DCC: variants seen among roughly 807,000 people sequenced by gnomAD.
DCC encodes DCC netrin 1 receptor.
Under a neutral mutation model 172.5 loss-of-function variants are expected in DCC, and 58 were observed. That is an observed-to-expected ratio of 0.34 (90% CI 0.27 to 0.42). DCC has a LOEUF of 0.42. DCC is among the 10% of genes least tolerant of loss of function. The pLI, the probability that DCC is intolerant of heterozygous loss-of-function variation, is 1.00. For missense variants in DCC, 1,740 were observed against 1,791.0 expected (o/e 0.97, Z 0.51); for synonymous variants, 709 against 644.5 (o/e 1.10, Z -1.52).
intron 1 of DCC, among the ~76,000 whole-genome samples, chr18:52,430,974 A>T (rs911580219): frequency 5.3e-5 from 8 of 152,160 alleles, no homozygotes; most frequent in African/African-American, 1.4e-4. Flanking sequence ...GCTTCTCAGA[A>T]TGAGTGGTTT....
intron 17 of DCC, among the ~76,000 whole-genome samples, chr18:53,396,937 G>GA (rs1450261035): frequency 6.6e-6 from 1 of 151,878 alleles, no homozygotes; most frequent in Non-Finnish European, 1.5e-5. Flanking sequence ...ATTTAACTTT[G>GA]AAAAAAGATA....
chr18:52,972,951 T>G (rs2041053688), intron 5 of DCC, among the ~76,000 whole-genome samples: 1 of 152,206 alleles, frequency 6.6e-6, no homozygotes, highest in South Asian at 2.1e-4. Flanking sequence ...GCCACTGCAT[T>G]CCAAACAAAA....
chr18:52,756,036 G>T (rs937225092), intron 2 of DCC, among the ~76,000 whole-genome samples: 3 of 152,182 alleles, frequency 2.0e-5, no homozygotes, highest in Admixed American at 1.3e-4. Flanking sequence ...CAAAGTAACA[G>T]GCTACTGACT....
chr18:52,945,256 T>C (rs2040525761), intron 5 of DCC, among the ~76,000 whole-genome samples: 1 of 152,222 alleles, frequency 6.6e-6, no homozygotes, highest in Non-Finnish European at 1.5e-5. Flanking sequence ...AAGATTTATA[T>C]GAACAATGCT....
intron 1 of DCC, among the ~76,000 whole-genome samples, chr18:52,427,743 C>G (rs776336939): frequency 2.0e-5 from 3 of 152,036 alleles, no homozygotes; most frequent in Non-Finnish European, 2.9e-5. Flanking sequence ...TTCTTTTCCT[C>G]TTTTCAAAGT....
intron 25 of DCC, among the ~76,000 whole-genome samples, chr18:53,484,295 C>A (rs925585727): frequency 6.6e-6 from 1 of 150,564 alleles, no homozygotes; most frequent in African/African-American, 2.4e-5. Flanking sequence ...AAAGCTGTAC[C>A]AAAATTTATC....
Position 52,707,756 on chromosome 18 carries a change from G to A in DCC, c.92-44298G>A, listed in dbSNP as rs142216010. ...CATTATACTAAGGGAGATAAGCCAGGGACAACAAGACAAGTACTACATGAT... is the reference window on the plus strand; with the variant it reads ...CATTATACTAAGGGAGATAAGCCAGAGACAACAAGACAAGTACTACATGAT... On this transcript the variant is annotated intron_variant, in intron 1 of 28. Coordinates refer to ENST00000442544, the MANE Select transcript of DCC (RefSeq NM_005215.4). Among the ~76,000 whole-genome samples, 37 of 152,198 alleles carry A rather than the reference G, an allele frequency of 2.4e-4. 1 individual carries two copies. In the East Asian group the frequency reaches 6.6e-3, roughly 27 times the overall value.
intron 5 of DCC, among the ~76,000 whole-genome samples, chr18:53,027,812 G>A (rs555460999): frequency 1.4e-4 from 21 of 151,690 alleles, no homozygotes; most frequent in African/African-American, 4.4e-4. Context: ...TTTGACGCAC[G>A]TCAAGAGCAG....
At chr18:52,670,750 G>T (rs2035537068) in intron 1 of DCC, among the ~76,000 whole-genome samples, 2 of 151,960 alleles carry the variant, frequency 1.3e-5, no homozygotes, top group Admixed American at 1.3e-4. Context: ...TGAGGCAGGA[G>T]AATCATTTGA....
chr18:53,502,406 T>C (rs2046112721), intron 27 of DCC, among the ~76,000 whole-genome samples: 1 of 152,210 alleles, frequency 6.6e-6, no homozygotes, highest in Admixed American at 6.5e-5. Context: ...TGACACATGG[T>C]AAATAGCATG....
At chr18:53,328,370 T>C (rs1390067245) in intron 14 of DCC, among the ~76,000 whole-genome samples, 1 of 152,198 alleles carries the variant, frequency 6.6e-6, no homozygotes, top group Non-Finnish European at 1.5e-5. Context: ...GCCTTGGTTT[T>C]TCTCATGTGT....
At chr18:53,338,011 A>G (rs1247466735) in intron 14 of DCC, among the ~76,000 whole-genome samples, 1 of 152,252 alleles carries the variant, frequency 6.6e-6, no homozygotes, top group Admixed American at 6.5e-5. Flanking sequence ...ATTTTTGAGT[A>G]CTTATTAATT....
chr18:52,933,905 G>C (rs957398474), intron 5 of DCC, among the ~76,000 whole-genome samples: 6 of 151,990 alleles, frequency 3.9e-5, no homozygotes, highest in Admixed American at 2.0e-4. Flanking sequence ...ATAGGATTTG[G>C]TGTCCGTTTG....
intron 5 of DCC, among the ~76,000 whole-genome samples, chr18:52,931,346 A>G (rs1464331127): frequency 6.6e-6 from 1 of 152,156 alleles, no homozygotes; most frequent in Admixed American, 6.6e-5. Context: ...GAATTTAATC[A>G]TATTTGTATT....
intron 1 of DCC, among the ~76,000 whole-genome samples, chr18:52,424,584 G>C (rs369902196): frequency 1.3e-5 from 2 of 152,136 alleles, no homozygotes; most frequent in African/African-American, 4.8e-5. Flanking sequence ...ATAGAGCGAT[G>C]TTAGTGGTAG....
At chr18:53,146,810 A>G (rs1178285438) in intron 7 of DCC, among the ~76,000 whole-genome samples, 1 of 152,226 alleles carries the variant, frequency 6.6e-6, no homozygotes, top group African/African-American at 2.4e-5. Context: ...GTTATGGTGG[A>G]TGAACATCTG....
chr18:52,720,981 T>TATCCCA (rs2036465593), intron 1 of DCC, among the ~76,000 whole-genome samples: 2 of 152,282 alleles, frequency 1.3e-5, no homozygotes, highest in South Asian at 4.1e-4. Context: ...AGCCCTCTTG[T>TATCCCA]CTGAAGGATA....
At chr18:53,441,540 C>A (rs1017995279) in intron 22 of DCC, among the ~76,000 whole-genome samples, 2 of 152,110 alleles carry the variant, frequency 1.3e-5, no homozygotes, top group Admixed American at 1.3e-4. Context: ...TCCCTTTCAC[C>A]CTTTCCCTCA....
rs2276204 is a variant in DCC, at chr18:52,923,870, T to G, written c.848+13T>G. Reference sequence around the variant, plus strand: ...TCATCCAACTCAGGTATTTCACATTTAAGACTTTTTTGTAAAGTGTACTTT... The same window carrying G: ...TCATCCAACTCAGGTATTTCACATTGAAGACTTTTTTGTAAAGTGTACTTT... On this transcript the variant is annotated intron_variant, in intron 4 of 28. Transcript: ENST00000442544. 0.43 allele frequency: 683,738 copies of G among 1,605,324 alleles called. 152,595 individuals are homozygous for G. The highest frequency in any genetic ancestry group is 0.47 in the Non-Finnish European group (549,353 of 1,172,494).
Sources: gnomAD v4.1 joint callset for allele counts (sites outside exome capture counted in the v4.1 genomes callset) on GRCh38, gnomAD v4.1.1 for gene constraint, MANE v1.5 for transcripts, NCBI Gene and HGNC (gene_info 2026-07-23, HGNC 2026-07-21) for gene names.